Variants in BACH2 observed in about 807,000 individuals in gnomAD.
BACH2 encodes BACH transcriptional regulator 2, also known as transcription regulator protein BACH2.
In BACH2, 5 loss-of-function variants were observed where a neutral mutation model predicts 61.8. The observed-to-expected ratio is 0.08, with a 90% CI of 0.04 to 0.17. The LOEUF is 0.17. BACH2 is among the 10% of genes least tolerant of loss of function. The probability of loss-of-function intolerance (pLI) is 1.00; values close to 1 mark genes in which losing one functional copy is unlikely to be tolerated. For synonymous variants in BACH2, 446 were observed against 440.1 expected (o/e 1.01, Z -0.17); for missense variants, 824 against 1,091.1 (o/e 0.76, Z 3.45).
intron 6 of BACH2, among the ~76,000 whole-genome samples, chr6:89,970,943 G>A (rs1292502627): frequency 1.3e-5 from 2 of 152,182 alleles, no homozygotes; most frequent in Non-Finnish European, 2.9e-5. Flanking sequence ...TCTTAACGGT[G>A]TATTTTTTAG....
chr6:90,195,579 G>C (rs566068255), intron 4 of BACH2, among the ~76,000 whole-genome samples: 1 of 152,300 alleles, frequency 6.6e-6, no homozygotes, highest in African/African-American at 2.4e-5. Flanking sequence ...CTAAGGTTGT[G>C]AAGTGTAACA....
chr6:89,948,353 C>T (rs913584816), intron 7 of BACH2, among the ~76,000 whole-genome samples: 2 of 151,958 alleles, frequency 1.3e-5, no homozygotes, highest in Non-Finnish European at 2.9e-5. Context: ...ACTACTGGCA[C>T]GAGCCACCAC....
At chr6:90,136,205 C>T (rs1176788076) in intron 4 of BACH2, among the ~76,000 whole-genome samples, 2 of 152,150 alleles carry the variant, frequency 1.3e-5, no homozygotes, top group Non-Finnish European at 2.9e-5. Context: ...TTCTTTATCT[C>T]CAGAGATACC....
chr6:90,121,404 T>G (rs207275), intron 4 of BACH2, among the ~76,000 whole-genome samples: 10 of 151,928 alleles, frequency 6.6e-5, no homozygotes, highest in Admixed American at 4.6e-4. Context: ...CTTCTTGTTG[T>G]TTTTTCTGAT....
At chr6:89,965,389 T>C (rs1297400005) in intron 6 of BACH2, among the ~76,000 whole-genome samples, 2 of 152,232 alleles carry the variant, frequency 1.3e-5, no homozygotes, top group Non-Finnish European at 2.9e-5. Flanking sequence ...TGAATAGACA[T>C]TGGAGACTGT....
chr6:90,137,665 A>T (rs981344703), intron 4 of BACH2, among the ~76,000 whole-genome samples: 1 of 152,168 alleles, frequency 6.6e-6, no homozygotes, highest in African/African-American at 2.4e-5. Flanking sequence ...TCATTTTTCT[A>T]TGATTTGTTG....
At chr6:90,149,541 T>A (rs539337369) in intron 4 of BACH2, among the ~76,000 whole-genome samples, 1 of 152,178 alleles carries the variant, frequency 6.6e-6, no homozygotes, top group African/African-American at 2.4e-5. Context: ...GCATCAAACA[T>A]CTCAGTTGGT....
At chr6:90,296,307 C>G (rs1772384129) in intron 1 of BACH2, among the ~76,000 whole-genome samples, 173 bp downstream of exon 1, 2 of 151,624 alleles carry the variant, frequency 1.3e-5, no homozygotes, top group South Asian at 2.1e-4. Context: ...CTAGAAAATG[C>G]CATAAAAGCG....
chr6:90,079,107 G>A (rs1377890203), intron 5 of BACH2, among the ~76,000 whole-genome samples: 4 of 152,148 alleles, frequency 2.6e-5, no homozygotes, highest in Admixed American at 6.5e-5. Flanking sequence ...TGCTGGCGCC[G>A]CCTCTCTTTG....
intron 4 of BACH2, among the ~76,000 whole-genome samples, chr6:90,126,180 T>C (rs949761984): frequency 6.6e-6 from 1 of 152,218 alleles, no homozygotes; most frequent in Non-Finnish European, 1.5e-5. Flanking sequence ...AGGAGAAGCA[T>C]GACTTTATAG....
chr6:90,090,768 A>G (rs1782128399), intron 4 of BACH2, among the ~76,000 whole-genome samples: 2 of 152,212 alleles, frequency 1.3e-5, no homozygotes, highest in South Asian at 4.1e-4. Context: ...TATCGTGAGA[A>G]GAAAAACCAC....
At chr6:90,127,748 TCAG>T (rs1345564468) in intron 4 of BACH2, among the ~76,000 whole-genome samples, 3 of 152,194 alleles carry the variant, frequency 2.0e-5, no homozygotes, top group Non-Finnish European at 4.4e-5. Context: ...ACTCTTTGGC[TCAG>T]CTCGGCGATC....
Position 90,092,834 on chromosome 6 carries a change from G to C in BACH2, c.-161-3725C>G, listed in dbSNP as rs116437719. On this transcript the variant is annotated intron_variant, in intron 4 of 8. Transcript: ENST00000257749. ...AACAAGGGGGTTGGATGAAATGACT[G>C]TAAGGTCTTTTGGAAGCCAATGGAT... Among the ~76,000 whole-genome samples, 576 of 152,238 alleles carry C rather than the reference G, an allele frequency of 3.8e-3. 7 individuals carry two copies. Among genetic ancestry groups the C allele is most frequent in the African/African-American group, 0.013 (549 of 41,542 alleles).
intron 4 of BACH2, among the ~76,000 whole-genome samples, chr6:90,099,190 G>A (rs902401897): frequency 2.6e-5 from 4 of 152,096 alleles, no homozygotes; most frequent in South Asian, 2.1e-4. Flanking sequence ...GTGGCAGGTC[G>A]TGCCACTCTC....
At chr6:90,131,312 T>C (rs536719783) in intron 4 of BACH2, among the ~76,000 whole-genome samples, 58 of 152,354 alleles carry the variant, frequency 3.8e-4, no homozygotes, top group African/African-American at 1.3e-3. Flanking sequence ...GTAGGAGGCA[T>C]CATTTTCTTG....
In BACH2 at chr6:89,951,727, T is replaced by G; in HGVS notation, c.379A>C (p.Ser127Arg). The G allele has an allele frequency of 6.2e-7, 1 of 1,614,212 alleles. No homozygotes were observed. Among genetic ancestry groups the G allele is most frequent in the Non-Finnish European group, 8.5e-7 (1 of 1,180,036 alleles). ...TTCAGGAGCTGGGTCTGCAGGAAGC[T>G]GAAGCAGGAGTCCTCCAGGTTGTGC... ...RMHNLEDSCF[S>R]FLQTQLLNSE... Residue 127 changes from serine (S) to arginine (R), a missense_variant, in exon 7 of 9, where the codon AGC (serine) becomes CGC (arginine). Coordinates refer to ENST00000257749, the MANE Select transcript of BACH2 (RefSeq NM_021813.4). The surrounding 1 kb of genome is among the most constrained non-coding windows in gnomAD (Gnocchi z 6.4).
intron 1 of BACH2, among the ~76,000 whole-genome samples, chr6:90,283,338 C>G (rs1771914378): frequency 6.6e-6 from 1 of 151,214 alleles, no homozygotes; most frequent in Admixed American, 6.6e-5. Context: ...GTCCTACTCA[C>G]TTTTTTTTCC....
Position 89,988,816 on chromosome 6 carries a change from A to G in BACH2, c.243+19786T>C, listed in dbSNP as rs531834779. On this transcript the variant is annotated intron_variant, in intron 6 of 8. Coordinates refer to ENST00000257749, the MANE Select transcript of BACH2 (RefSeq NM_021813.4). ...GCAAAGGCAAAAAAGAAGTTCATGC[A>G]ATGATGGGACTGCCTAACTCCTGGA... Among the ~76,000 whole-genome samples the G allele has an allele frequency of 6.6e-5, 10 of 152,348 alleles. No individual in the cohort carries two copies. In the South Asian group the frequency reaches 1.9e-3, roughly 28 times the overall value.
chr6:90,083,139 C>A (rs992871672), intron 5 of BACH2, among the ~76,000 whole-genome samples: 2 of 152,104 alleles, frequency 1.3e-5, no homozygotes, highest in African/African-American at 4.8e-5. Context: ...TGCTGCAATG[C>A]CCTGGGTTAA....
Sources: gnomAD v4.1 joint callset for allele counts (sites outside exome capture counted in the v4.1 genomes callset) on GRCh38, gnomAD v4.1.1 for gene constraint, Gnocchi (gnomAD v3.1) non-coding constraint, MANE v1.5 for transcripts, NCBI Gene and HGNC (gene_info 2026-07-23, HGNC 2026-07-21) for gene names.